Variants in TBC1D30 observed in about 807,000 individuals in gnomAD.
TBC1D30 encodes the protein TBC1 domain family member 30.
In TBC1D30, 31 loss-of-function variants were observed where a neutral mutation model predicts 63.2. The observed-to-expected ratio is 0.49, with a 90% CI of 0.37 to 0.66. The LOEUF is 0.66. Among genes scored for constraint, TBC1D30 ranks in the 30% least tolerant of loss-of-function variants. The probability of loss-of-function intolerance (pLI) is 0.00; values close to 1 mark genes in which losing one functional copy is unlikely to be tolerated. For synonymous variants in TBC1D30, 307 were observed against 361.5 expected, an observed-to-expected ratio of 0.85 and a Z score of 1.71; for missense variants, 810 against 953.6, an observed-to-expected ratio of 0.85 and a Z score of 1.98.
chr12:64,814,676 GTGGTAATTAACAGTGCTGGCAC>G (rs1159352426), intron 2 of TBC1D30, among the ~76,000 whole-genome samples: 6 of 152,234 alleles, frequency 3.9e-5, no homozygotes, highest in African/African-American at 1.4e-4. Flanking sequence ...ACTAAAGACA[GTGGTAATTAACAGTGCTGGCAC>G]TGCTATATTA....
At chr12:64,764,699 G>A (rs1870641150) in intron 1 of TBC1D30, among the ~76,000 whole-genome samples, 1 of 152,212 alleles carries the variant, frequency 6.6e-6, no homozygotes, top group Non-Finnish European at 1.5e-5. Flanking sequence ...AGAGATCAAA[G>A]TTGAGGGAGA....
chr12:64,810,302 C>A (rs929180457), intron 2 of TBC1D30, among the ~76,000 whole-genome samples: 12 of 152,140 alleles, frequency 7.9e-5, no homozygotes, highest in African/African-American at 2.7e-4. Flanking sequence ...CATCTTTTTG[C>A]CTCATTTCTT....
chr12:64,762,471 T>G (rs1412961009), intron 1 of TBC1D30, among the ~76,000 whole-genome samples: 2 of 152,270 alleles, frequency 1.3e-5, no homozygotes, highest in African/African-American at 2.4e-5. Context: ...AGGGACAGAT[T>G]CAAATTTTGT....
chr12:64,848,829 A>G (rs952699220), intron 8 of TBC1D30, among the ~76,000 whole-genome samples: 10 of 152,220 alleles, frequency 6.6e-5, no homozygotes, highest in Admixed American at 5.9e-4. Context: ...TTCTGGTTCT[A>G]GATCCTTCAG....
At chr12:64,759,529 G>C in exon 1 of TBC1D30, 1 of 486,840 alleles carries the variant, frequency 2.1e-6, no homozygotes, top group East Asian at 3.3e-5. Flanking sequence ...GCATCAGGCA[G>C]TGGCGGAAAA....
intron 2 of TBC1D30, chr12:64,818,706 G>T (rs1873704182): frequency 6.6e-6 from 1 of 152,446 alleles, no homozygotes; most frequent in Non-Finnish European, 1.5e-5. Context: ...CAAAGTGCTG[G>T]GATTACAGGC....
chr12:64,813,610 T>C (rs542065194), intron 2 of TBC1D30, among the ~76,000 whole-genome samples: 15 of 152,300 alleles, frequency 9.8e-5, no homozygotes, highest in African/African-American at 3.4e-4. Context: ...TTTCACCTGA[T>C]GAGTAGAGCA....
At chr12:64,858,783 A>G (rs1877529177) in intron 8 of TBC1D30, among the ~76,000 whole-genome samples, 3 of 152,206 alleles carry the variant, frequency 2.0e-5, no homozygotes, top group Non-Finnish European at 4.4e-5. Context: ...TGCCAGGTGC[A>G]GGGACACAGA....
chr12:64,842,773 A>G (rs1875993562), intron 7 of TBC1D30, among the ~76,000 whole-genome samples: 1 of 152,186 alleles, frequency 6.6e-6, no homozygotes, highest in Non-Finnish European at 1.5e-5. Context: ...TATGCTTTCT[A>G]ACGAGTGGTG....
Position 64,879,584 on chromosome 12 carries a change from A to G in TBC1D30, c.*3796A>G, listed in dbSNP as rs1199332762. 6 of 151,964 alleles carry G rather than the reference A, an allele frequency of 3.9e-5. No individual in the cohort carries two copies. The highest frequency in any genetic ancestry group is 1.4e-4 in the African/African-American group (6 of 41,382). 9.4% of individuals were successfully genotyped at this position (151,964 alleles called of 1,614,324 possible). ...GTCTCTTTCCTTTTTTTTCCTTTCTATGACTTCTAGTGTGGAAGTGCCAAC... is the reference window on the plus strand; with the variant it reads ...GTCTCTTTCCTTTTTTTTCCTTTCTGTGACTTCTAGTGTGGAAGTGCCAAC... On this transcript the variant is annotated 3_prime_UTR_variant, in exon 12 of 12. Coordinates refer to ENST00000539867, the MANE Select transcript of TBC1D30 (RefSeq NM_015279.2).
At chr12:64,791,114 T>TGAG (rs1457846678) in intron 2 of TBC1D30, among the ~76,000 whole-genome samples, 4 of 152,212 alleles carry the variant, frequency 2.6e-5, no homozygotes, top group African/African-American at 9.6e-5. Context: ...CATAAAAGAA[T>TGAG]GAAGTATTGA....
intron 2 of TBC1D30, among the ~76,000 whole-genome samples, chr12:64,797,043 A>G (rs991321788): frequency 6.6e-6 from 1 of 151,438 alleles, no homozygotes; most frequent in Non-Finnish European, 1.5e-5. Context: ...AAAAAAAAAA[A>G]AAAAAAAAAA....
chr12:64,865,842 C>G (rs1045858513), intron 9 of TBC1D30, among the ~76,000 whole-genome samples: 1 of 152,118 alleles, frequency 6.6e-6, no homozygotes, highest in Non-Finnish European at 1.5e-5. Context: ...CAGCCTGGCT[C>G]CACACTATGG....
intron 2 of TBC1D30, among the ~76,000 whole-genome samples, chr12:64,787,889 A>G (rs1323770108): frequency 6.6e-6 from 1 of 152,186 alleles, no homozygotes; most frequent in Non-Finnish European, 1.5e-5. Context: ...TATAAAAATT[A>G]GCTGGGTGTG....
chr12:64,839,255 G>T (rs1290407904), intron 7 of TBC1D30, among the ~76,000 whole-genome samples: 2 of 152,190 alleles, frequency 1.3e-5, no homozygotes, highest in Non-Finnish European at 2.9e-5. Context: ...GCCTTTCAGG[G>T]CTGTGATAAA....
At chr12:64,868,608 T>C in intron 10 of TBC1D30, 1 of 324,378 alleles carries the variant, frequency 3.1e-6, no homozygotes, top group Non-Finnish European at 5.8e-6. Context: ...TCTCAGGTGC[T>C]TGATCTTCAG....
chr12:64,781,119 G>A, exon 1 of TBC1D30: 3 of 1,005,494 alleles, frequency 3.0e-6, no homozygotes, highest in Non-Finnish European at 2.4e-6. Context: ...GGGGGCCGCG[G>A]GGCCGAGGGC....
chr12:64,847,520 A>G (rs1405635579), intron 8 of TBC1D30, among the ~76,000 whole-genome samples: 1 of 152,060 alleles, frequency 6.6e-6, no homozygotes, highest in Non-Finnish European at 1.5e-5. Flanking sequence ...ACTTATAGCT[A>G]TAAATTTCCC....
chr12:64,827,625 T>C (rs1176295427), intron 1 of TBC1D30, among the ~76,000 whole-genome samples: 1 of 152,236 alleles, frequency 6.6e-6, no homozygotes, highest in Non-Finnish European at 1.5e-5. Flanking sequence ...CACCGTCATA[T>C]GTAGTAAGGC....
Sources: allele counts gnomAD v4.1 joint callset (sites outside exome capture counted in the v4.1 genomes callset), GRCh38; gene constraint gnomAD v4.1.1; transcripts MANE v1.5; gene names NCBI Gene and HGNC (gene_info 2026-07-23, HGNC 2026-07-21).